The following CNTN5 variants were observed in gnomAD, a reference collection of about 807,000 sequenced individuals.
CNTN5 encodes the protein contactin 5, also known as contactin-5.
Under a neutral mutation model 129.1 loss-of-function variants are expected in CNTN5, and 77 were observed. The ratio of observed to expected loss-of-function variants is 0.60; its 90% confidence interval spans 0.50 to 0.72. The LOEUF (loss-of-function observed/expected upper bound fraction) is 0.72. CNTN5 is among the 30% of genes least tolerant of loss of function. CNTN5 has a pLI of 0.00. For synonymous variants in CNTN5, 509 were observed against 465.6 expected, an observed-to-expected ratio of 1.09 and a Z score of -1.20; for missense variants, 1,478 against 1,328.8, an observed-to-expected ratio of 1.11 and a Z score of -1.75.
intron 1 of CNTN5, among the ~76,000 whole-genome samples, chr11:99,229,528 CA>C (rs72050463): frequency 6.1e-5 from 7 of 114,206 alleles, no homozygotes; most frequent in Admixed American, 9.6e-5. Flanking sequence ...CAATTTTAGA[CA>C]AAAAAAAAAA....
At chr11:99,051,253 T>C (rs2135175488) in intron 1 of CNTN5, among the ~76,000 whole-genome samples, 1 of 152,112 alleles carries the variant, frequency 6.6e-6, no homozygotes, top group South Asian at 2.1e-4. Context: ...AAGGCATTTC[T>C]AATTTTACAA....
intron 16 of CNTN5, among the ~76,000 whole-genome samples, chr11:100,232,339 CAA>C (rs985816924): frequency 6.6e-6 from 1 of 151,916 alleles, no homozygotes; most frequent in Non-Finnish European, 1.5e-5. Flanking sequence ...GACAAAGAGA[CAA>C]GAGAAATAGA....
At chr11:99,514,149 A>G (rs1392700219) in intron 2 of CNTN5, among the ~76,000 whole-genome samples, 1 of 152,122 alleles carries the variant, frequency 6.6e-6, no homozygotes, top group Non-Finnish European at 1.5e-5. Flanking sequence ...TGCAGATGTG[A>G]TGGAAATAGT....
intron 6 of CNTN5, among the ~76,000 whole-genome samples, chr11:99,908,688 C>T (rs1329359240): frequency 6.6e-6 from 1 of 151,968 alleles, no homozygotes; most frequent in Non-Finnish European, 1.5e-5. Flanking sequence ...TTGTATTATT[C>T]AGTGTTGAAG....
At chr11:99,841,875 C>CACACACACATATATACACACATAT in intron 4 of CNTN5, among the ~76,000 whole-genome samples, 1 of 83,142 alleles carries the variant, frequency 1.2e-5, no homozygotes, top group South Asian at 3.2e-4. Context: ...CATATATACA[C>CACACACACATATATACACACATAT]ATACATATAC....
chr11:99,539,959 G>T (rs7943142), intron 2 of CNTN5, among the ~76,000 whole-genome samples: 20,611 of 152,006 alleles, frequency 0.14, 1,646 homozygotes, highest in African/African-American at 0.22. Context: ...CTTCTTTTGT[G>T]AAAGTGTTGA....
intron 13 of CNTN5, among the ~76,000 whole-genome samples, chr11:100,139,680 AT>A (rs2138247937): frequency 6.6e-6 from 1 of 152,236 alleles, no homozygotes; most frequent in East Asian, 1.9e-4. Flanking sequence ...CCTGGCCAAC[AT>A]GGCAAAACCC....
At chr11:99,232,019 T>G (rs1861025587) in intron 1 of CNTN5, among the ~76,000 whole-genome samples, 1 of 152,138 alleles carries the variant, frequency 6.6e-6, no homozygotes, top group Admixed American at 6.6e-5. Context: ...TGTCTGACTT[T>G]GTACCACTAC....
chr11:99,141,459 C>T (rs1039756897), intron 1 of CNTN5, among the ~76,000 whole-genome samples: 14 of 152,066 alleles, frequency 9.2e-5, no homozygotes, highest in South Asian at 6.2e-4. Flanking sequence ...ATTCAAAGAA[C>T]GAACTTTGGA....
intron 2 of CNTN5, among the ~76,000 whole-genome samples, chr11:99,542,335 C>A (rs949499344): frequency 1.3e-5 from 2 of 152,148 alleles, no homozygotes; most frequent in Non-Finnish European, 2.9e-5. Context: ...TACACCCTCC[C>A]AAGTCTCTGG....
rs539087292 is a variant in CNTN5, at chr11:99,994,832, G to C, written c.878-7202G>C. On this transcript the variant is annotated intron_variant, in intron 8 of 24. Coordinates refer to ENST00000524871, the MANE Select transcript of CNTN5 (RefSeq NM_014361.4). The stretch of plus-strand genomic sequence containing the variant: ...CACATCATTAGAAACATTCGGCTGA[G>C]TTTATAGGTATCACCAGCAGACCAC... 1.6e-3 allele frequency among the ~76,000 whole-genome samples: 250 copies of C among 152,244 alleles called. 1 individual carries two copies. The highest frequency in any genetic ancestry group is 5.8e-3 in the African/African-American group (243 of 41,546).
At chr11:99,021,312 A>T (rs537069550) in intron 1 of CNTN5, 42 bp downstream of exon 1, 1 of 152,226 alleles carries the variant, frequency 6.6e-6, no homozygotes, top group Non-Finnish European at 1.5e-5. Context: ...GCGTTCTGTG[A>T]TTGTGCACTT....
chr11:100,029,551 C>A (rs1049786127), intron 9 of CNTN5, among the ~76,000 whole-genome samples: 15 of 151,940 alleles, frequency 9.9e-5, no homozygotes, highest in Admixed American at 3.9e-4. Context: ...CCACTGAACT[C>A]CAGCCTGGGC....
intron 2 of CNTN5, among the ~76,000 whole-genome samples, chr11:99,438,881 T>A (rs1943703167): frequency 6.6e-6 from 1 of 152,184 alleles, no homozygotes; most frequent in East Asian, 1.9e-4. Flanking sequence ...TCTCAGCACT[T>A]ACACACAAAG....
chr11:99,431,379 C>T (rs922588016), intron 2 of CNTN5, among the ~76,000 whole-genome samples: 2 of 151,966 alleles, frequency 1.3e-5, no homozygotes, highest in African/African-American at 4.8e-5. Flanking sequence ...CCAGCTGAAA[C>T]TCCGGAAAGG....
intron 24 of CNTN5, among the ~76,000 whole-genome samples, chr11:100,354,599 A>C (rs1952484133): frequency 6.6e-6 from 1 of 151,710 alleles, no homozygotes; most frequent in Non-Finnish European, 1.5e-5. Flanking sequence ...TACTAGAGTA[A>C]GCATAGTCAT....
intron 7 of CNTN5, among the ~76,000 whole-genome samples, chr11:99,939,297 G>T (rs2136105351): frequency 6.6e-6 from 1 of 151,888 alleles, no homozygotes; most frequent in South Asian, 2.1e-4. Flanking sequence ...CCATTATCTT[G>T]AAGTAATTTA....
intron 1 of CNTN5, among the ~76,000 whole-genome samples, chr11:99,057,377 C>T (rs1414961004): frequency 1.3e-5 from 2 of 151,952 alleles, no homozygotes; most frequent in Non-Finnish European, 2.9e-5. Flanking sequence ...ATAAATAATG[C>T]CCTTGGCTTA....
At chr11:99,997,477 G>C (rs1939532349) in intron 8 of CNTN5, among the ~76,000 whole-genome samples, 1 of 152,128 alleles carries the variant, frequency 6.6e-6, no homozygotes, top group South Asian at 2.1e-4. Context: ...TCTCTGAATA[G>C]ACCAACAACA....
Sources: allele counts gnomAD v4.1 joint callset (sites outside exome capture counted in the v4.1 genomes callset), GRCh38; gene constraint gnomAD v4.1.1; transcripts MANE v1.5; gene names NCBI Gene and HGNC (gene_info 2026-07-23, HGNC 2026-07-21).